Variants in ZNF879 observed in about 807,000 individuals in gnomAD.
ZNF879 encodes zinc finger protein 879.
In ZNF879, 32 loss-of-function variants were observed where a neutral mutation model predicts 44.3. The observed-to-expected ratio is 0.72, with a 90% CI of 0.54 to 0.97. The LOEUF is 0.97. Among genes scored for constraint, ZNF879 ranks in the 50% least tolerant of loss-of-function variants. The pLI is 0.00. For synonymous variants in ZNF879, 234 were observed against 233.2 expected (o/e 1.00, Z -0.03); for missense variants, 621 against 669.7 (o/e 0.93, Z 0.80).
chr5:179,024,942 G>A, intron 1 of ZNF879, 28 bp from the exon 2 acceptor site: 2 of 1,530,482 alleles, frequency 1.3e-6, no homozygotes, highest in Non-Finnish European at 1.8e-6. Flanking sequence ...TGGATGAAAA[G>A]ACCTCACAGC....
At chr5:179,024,912 A>G (rs1284204395) in intron 1 of ZNF879, 58 bp from the exon 2 acceptor site, 1 of 1,371,270 alleles carries the variant, frequency 7.3e-7, no homozygotes. Context: ...GTCTGGCCTA[A>G]TGAGGGTGGG....
Position 179,032,703 on chromosome 5 carries a change from G to A in ZNF879, c.755G>A (p.Arg252Lys). The change falls in exon 5 of 5, where the codon AGG becomes AAG. Residue 252 changes from arginine to lysine, a missense_variant. Coordinates refer to ENST00000444149, the MANE Select transcript of ZNF879 (RefSeq NM_001136116.3). ...AGCTCATCCCTAACTCAGCACTTGA[G>A]GGTTCATACAGGAGAGAAACCTTAT... ...SQSSSLTQHL[R>K]VHTGEKPYIC... The A allele has an allele frequency of 6.4e-7, 1 of 1,559,634 alleles. No homozygotes were observed. The highest frequency in any genetic ancestry group is 1.2e-5 in the South Asian group (1 of 84,610).
Position 179,025,049 on chromosome 5 carries a change from C to T in ZNF879, c.33+12C>T, listed in dbSNP as rs1355774469. The T allele has an allele frequency of 2.6e-6, 4 of 1,551,428 alleles. No homozygotes were observed. Among genetic ancestry groups the T allele is most frequent in the East Asian group, 4.9e-5 (2 of 40,912 alleles). The stretch of plus-strand genomic sequence containing the variant: ...CAGCCCATGTACAGGTGAGTGAAGG[C>T]TTCTTTTTGCTTGAACTGCCTTCAG... On this transcript the variant is annotated intron_variant, in intron 2 of 4. Coordinates refer to ENST00000444149, the MANE Select transcript of ZNF879 (RefSeq NM_001136116.3).
In ZNF879 at chr5:179,034,044, AC is replaced by A. The variant is rs1761516337; in HGVS notation, c.*405del. The stretch of plus-strand genomic sequence containing the variant: ...TGAAACTATTATGCAAGCCAGTGGT[AC>A]TAGAAAGAATGTTTTAGAAAAGAAA... On this transcript the variant is annotated 3_prime_UTR_variant, in exon 5 of 5. Coordinates refer to ENST00000444149, the MANE Select transcript of ZNF879 (RefSeq NM_001136116.3). 1 of 156,674 alleles carries A rather than the reference AC, an allele frequency of 6.4e-6. No homozygotes were observed. Among genetic ancestry groups the A allele is most frequent in the Admixed American group, 6.4e-5 (1 of 15,692 alleles). The allele number at this position is 156,674 out of a possible 1,614,324, so 9.7% of individuals were successfully genotyped here.
intron 2 of ZNF879, 71 bp from the exon 3 acceptor site, chr5:179,027,402 A>G: frequency 1.3e-6 from 2 of 1,583,530 alleles, no homozygotes; most frequent in Non-Finnish European, 8.6e-7. Flanking sequence ...CTAAGTTGTG[A>G]CAGGGTTGCT....
chr5:179,031,737 A>G (rs1362012903), intron 4 of ZNF879, among the ~76,000 whole-genome samples: 1 of 152,186 alleles, frequency 6.6e-6, no homozygotes, highest in Non-Finnish European at 1.5e-5. Context: ...CTCAGTAGGT[A>G]TTACTTGAGT....
Position 179,033,518 on chromosome 5 carries a change from A to G in ZNF879, c.1570A>G (p.Ser524Gly). The G allele has an allele frequency of 1.3e-6, 2 of 1,556,920 alleles. No homozygotes were observed. The highest frequency in any genetic ancestry group is 1.7e-6 in the Non-Finnish European group (2 of 1,150,250). The change falls in exon 5 of 5, where the codon AGT (serine) becomes GGT (glycine). Residue 524 changes from serine (S) to glycine (G), a missense_variant. By Grantham distance (56) the Ser-to-Gly change is moderately conservative (BLOSUM62 0). Coordinates refer to ENST00000444149, the MANE Select transcript of ZNF879 (RefSeq NM_001136116.3). The stretch of plus-strand genomic sequence containing the variant: ...AGTGTGTGGGAAAGCCTTCAGACAG[A>G]GTTCATCCCTTATGACACACATGAG... ...CKVCGKAFRQ[S>G]SSLMTHMRIH...
chr5:179,030,096 A>AT (rs1225655156), intron 4 of ZNF879, among the ~76,000 whole-genome samples: 1 of 152,188 alleles, frequency 6.6e-6, no homozygotes, highest in Non-Finnish European at 1.5e-5. Flanking sequence ...TCCACAAGGG[A>AT]TTTTTTGAAG....
chr5:179,032,537 G>T lies in ZNF879; in HGVS notation c.589G>T (p.Val197Phe), dbSNP rs1364315027. ...QYSVLFKQLG[V>F]NTVRKCYKCN... ...TTCAGTTCTCTTTAAACAACTGGGGGTCAACACAGTGCGTAAATGTTATAA... is the reference window on the plus strand; with the variant it reads ...TTCAGTTCTCTTTAAACAACTGGGGTTCAACACAGTGCGTAAATGTTATAA... Residue 197 changes from valine (V) to phenylalanine (F), a missense_variant, in exon 5 of 5, where the codon GTC (valine) becomes TTC (phenylalanine). Transcript: ENST00000444149. 10 of 1,551,568 alleles carry T rather than the reference G, an allele frequency of 6.4e-6. No individual in the cohort carries two copies. The highest frequency in any genetic ancestry group is 2.0e-5 in the Admixed American group (1 of 50,974).
In ZNF879 at chr5:179,034,147, A is replaced by G. The variant is rs973561554; in HGVS notation, c.*507A>G. Reference sequence around the variant, plus strand: ...AATCTTAAAGCAGATTCTGCACTTCATGGTAAAGACTTTGAATTGTTTCTC... The same window carrying G: ...AATCTTAAAGCAGATTCTGCACTTCGTGGTAAAGACTTTGAATTGTTTCTC... On this transcript the variant is annotated 3_prime_UTR_variant, in exon 5 of 5. Coordinates refer to ENST00000444149, the MANE Select transcript of ZNF879 (RefSeq NM_001136116.3). 1 of 152,566 alleles carries G rather than the reference A, an allele frequency of 6.6e-6. No homozygotes were observed. Among genetic ancestry groups the G allele is most frequent in the African/African-American group, 2.4e-5 (1 of 41,472 alleles). The allele number at this position is 152,566 out of a possible 1,614,324, so 9.5% of individuals were successfully genotyped here.
rs569785591 is a variant in ZNF879, at chr5:179,033,963, T to G, written c.*323T>G. 2.0e-5 allele frequency: 4 copies of G among 197,988 alleles called. No individual in the cohort carries two copies. In the Admixed American group the frequency reaches 2.2e-4, roughly 11 times the overall value. 12.3% of individuals were successfully genotyped at this position (197,988 alleles called of 1,614,324 possible). A position where few individuals can be genotyped will look rare whatever the true frequency, so the allele number is the denominator to read the frequency against. On this transcript the variant is annotated 3_prime_UTR_variant, in exon 5 of 5. Coordinates refer to ENST00000444149, the MANE Select transcript of ZNF879 (RefSeq NM_001136116.3). ...GAGCATCACTGGGAAGCCTGCTGTT[T>G]ATGTACAAGTACAGCCATAAAATCC...
chr5:179,026,557 A>G (rs1761276064), intron 2 of ZNF879, among the ~76,000 whole-genome samples: 1 of 152,304 alleles, frequency 6.6e-6, no homozygotes, highest in Non-Finnish European at 1.5e-5. Context: ...ATCACACGTC[A>G]CTGCAGCCTC....
At chr5:179,029,098 CTGTTT>C (rs1761355813) in intron 4 of ZNF879, among the ~76,000 whole-genome samples, 1 of 142,872 alleles carries the variant, frequency 7.0e-6, no homozygotes. Flanking sequence ...ATTCTGGCAT[CTGTTT>C]TTTTTTTTTT....
chr5:179,024,638 G>A (rs1230594750), intron 1 of ZNF879: 3 of 223,702 alleles, frequency 1.3e-5, no homozygotes, highest in African/African-American at 2.2e-5. Flanking sequence ...AAGTGCAGAT[G>A]TGTGGAATAT....
intron 2 of ZNF879, among the ~76,000 whole-genome samples, chr5:179,026,849 G>A (rs182788877): frequency 6.6e-6 from 1 of 152,216 alleles, no homozygotes; most frequent in African/African-American, 2.4e-5. Context: ...ATGCCATCCA[G>A]TGAAGGAGGA....
At chr5:179,030,919 G>C (rs1368543875) in intron 4 of ZNF879, among the ~76,000 whole-genome samples, 1 of 152,126 alleles carries the variant, frequency 6.6e-6, no homozygotes, top group Non-Finnish European at 1.5e-5. Flanking sequence ...TGTCCATTGA[G>C]TTGCCCAGAC....
In ZNF879 at chr5:179,033,302, G is replaced by A. The variant is rs973408174; in HGVS notation, c.1354G>A (p.Gly452Arg). Residue 452 changes from glycine to arginine, a missense_variant, in exon 5 of 5, where the codon GGA becomes AGA. By Grantham distance (125) the Gly-to-Arg change is moderately radical. Coordinates refer to ENST00000444149, the MANE Select transcript of ZNF879 (RefSeq NM_001136116.3). ...RLNIHHRIHT[G>R]EKPYNCKECG... ...TAATATACATCACAGAATTCACACT[G>A]GAGAGAAACCATATAATTGTAAGGA... 1 of 1,576,626 alleles carries A rather than the reference G, an allele frequency of 6.3e-7. No homozygotes were observed. The highest frequency in any genetic ancestry group is 2.4e-5 in the East Asian group (1 of 42,334).
chr5:179,030,707 G>T (rs1344195779), intron 4 of ZNF879, among the ~76,000 whole-genome samples: 7 of 68,726 alleles, frequency 1.0e-4, no homozygotes, highest in Admixed American at 4.5e-4. Context: ...AGTTTTCTGT[G>T]TTTTTCTTAT....
intron 4 of ZNF879, among the ~76,000 whole-genome samples, chr5:179,030,839 T>A (rs1371221469): frequency 2.6e-5 from 4 of 152,174 alleles, no homozygotes; most frequent in African/African-American, 9.6e-5. Context: ...ACCAAAAAGG[T>A]AGACAAAAAA....
Sources: gnomAD v4.1 joint callset for allele counts (sites outside exome capture counted in the v4.1 genomes callset) on GRCh38, gnomAD v4.1.1 for gene constraint, MANE v1.5 for transcripts, NCBI Gene and HGNC (gene_info 2026-07-23, HGNC 2026-07-21) for gene names.